Variants in NLRP14 observed in about 807,000 individuals in gnomAD.
The protein encoded by NLRP14 is NLR family pyrin domain containing 14.
Under a neutral mutation model 94.7 loss-of-function variants are expected in NLRP14, and 105 were observed. That is an observed-to-expected ratio of 1.11 (90% CI 0.95 to 1.30). The LOEUF (loss-of-function observed/expected upper bound fraction) is 1.30. Among genes scored for constraint, NLRP14 ranks in the 50% most tolerant of loss-of-function variants. The probability of loss-of-function intolerance (pLI) is 0.00; values close to 1 mark genes in which losing one functional copy is unlikely to be tolerated. For missense variants in NLRP14, 1,362 were observed against 1,254.1 expected (o/e 1.09, Z -1.30); for synonymous variants, 508 against 459.9 (o/e 1.10, Z -1.34).
At chr11:7,063,942 C>A (rs1410731169) in intron 10 of NLRP14, among the ~76,000 whole-genome samples, 1 of 151,978 alleles carries the variant, frequency 6.6e-6, no homozygotes, top group Non-Finnish European at 1.5e-5. Context: ...CAAAGATGGG[C>A]CAAAAGCAGC....
chr11:7,071,932 C>G (rs1852806548), downstream of NLRP14, among the ~76,000 whole-genome samples: 1 of 152,050 alleles, frequency 6.6e-6, no homozygotes, highest in African/African-American at 2.4e-5. Flanking sequence ...CTTTCTATAG[C>G]TTATTGTAAA....
chr11:7,068,004 A>G (rs1043832383), intron 10 of NLRP14, among the ~76,000 whole-genome samples: 1 of 151,854 alleles, frequency 6.6e-6, no homozygotes, highest in Non-Finnish European at 1.5e-5. Context: ...CTCATAGGGT[A>G]CTTTTTAGTA....
chr11:7,076,068 T>C (rs890229768), downstream of NLRP14, among the ~76,000 whole-genome samples: 1 of 152,204 alleles, frequency 6.6e-6, no homozygotes, highest in Admixed American at 6.5e-5. Context: ...TACAACAGTG[T>C]CACTGCTGTG....
In NLRP14 at chr11:7,058,360, T is replaced by G; in HGVS notation, c.2543T>G (p.Leu848Trp). The G allele has an allele frequency of 1.9e-6, 3 of 1,612,696 alleles. No individual in the cohort carries two copies. The highest frequency in any genetic ancestry group is 2.5e-6 in the Non-Finnish European group (3 of 1,178,892). Residue 848 changes from leucine (L) to tryptophan (W), a missense_variant, in exon 8 of 12, where the codon TTG becomes TGG. By Grantham distance (61) the Leu-to-Trp change is moderately conservative (BLOSUM62 -2). Transcript: ENST00000299481. Reference sequence around the variant, plus strand: ...ATCAGCAATAAAAGACTGACACATTTGTGCTTGGCAGACAATGTCTTGGGT... The same window carrying G: ...ATCAGCAATAAAAGACTGACACATTGGTGCTTGGCAGACAATGTCTTGGGT... ...ALISNKRLTH[L>W]CLADNVLGDG...
chr11:7,045,191 A>G (rs1199373277), intron 4 of NLRP14, among the ~76,000 whole-genome samples: 2 of 152,212 alleles, frequency 1.3e-5, no homozygotes, highest in Non-Finnish European at 2.9e-5. Flanking sequence ...CCCTGATGCT[A>G]TGACCTTTAC....
chr11:7,079,738 T>C, the NLRP14 span, among the ~76,000 whole-genome samples: 1 of 152,184 alleles, frequency 6.6e-6, no homozygotes, highest in African/African-American at 2.4e-5. Context: ...ATCTCACGTA[T>C]GGAGCAAGGG....
the NLRP14 span, among the ~76,000 whole-genome samples, chr11:7,086,972 A>C: frequency 6.6e-6 from 1 of 152,228 alleles, no homozygotes; most frequent in Non-Finnish European, 1.5e-5. Flanking sequence ...GTCTTAACAT[A>C]TGTCCCTGAG....
chr11:7,077,045 C>T, the NLRP14 span, among the ~76,000 whole-genome samples: 2 of 152,232 alleles, frequency 1.3e-5, no homozygotes, highest in Non-Finnish European at 1.5e-5. Context: ...ACACCTAGCT[C>T]TCTGGAGACT....
intron 1 of NLRP14, among the ~76,000 whole-genome samples, chr11:7,030,371 C>T (rs1042599413): frequency 6.6e-6 from 1 of 152,142 alleles, no homozygotes; most frequent in African/African-American, 2.4e-5. Context: ...CGAGTAGGCT[C>T]TTAACTGAGG....
the NLRP14 span, among the ~76,000 whole-genome samples, chr11:7,077,937 G>C: frequency 6.6e-6 from 1 of 152,176 alleles, no homozygotes; most frequent in Non-Finnish European, 1.5e-5. Context: ...GTAGTTGCCA[G>C]GGTCTGGAGG....
At chr11:7,089,013 G>A in the NLRP14 span, 1 of 1,341,130 alleles carries the variant, frequency 7.5e-7, no homozygotes, top group Non-Finnish European at 1.0e-6. Flanking sequence ...CGGCGACTAG[G>A]CGCCGCCTGA....
chr11:7,072,950 A>G (rs1852823913), downstream of NLRP14, among the ~76,000 whole-genome samples: 1 of 152,074 alleles, frequency 6.6e-6, no homozygotes, highest in Non-Finnish European at 1.5e-5. Context: ...TCATTATCTC[A>G]GAGGAAAAGG....
chr11:7,048,657 G>T (rs1852396077), intron 5 of NLRP14, among the ~76,000 whole-genome samples: 4 of 152,118 alleles, frequency 2.6e-5, no homozygotes, highest in Admixed American at 2.0e-4. Context: ...TGTATGTTAT[G>T]ATTACGGGGT....
chr11:7,082,759 A>T, the NLRP14 span, among the ~76,000 whole-genome samples: 1 of 152,210 alleles, frequency 6.6e-6, no homozygotes, highest in Non-Finnish European at 1.5e-5. Context: ...GCAGGCAGCA[A>T]TACTAATCTA....
intron 8 of NLRP14, among the ~76,000 whole-genome samples, chr11:7,059,353 T>C (rs1852574283): frequency 6.6e-6 from 1 of 151,834 alleles, no homozygotes; most frequent in African/African-American, 2.4e-5. Flanking sequence ...GTACCTTTCT[T>C]TTAAAAAAAA....
chr11:7,059,438 G>A (rs574480265), intron 8 of NLRP14, among the ~76,000 whole-genome samples: 7 of 151,480 alleles, frequency 4.6e-5, no homozygotes, highest in Non-Finnish European at 1.0e-4. Context: ...AATTTATTTT[G>A]TTATAAGGCT....
At chr11:7,050,460 A>G (rs1255730116) in intron 6 of NLRP14, among the ~76,000 whole-genome samples, 1 of 101,488 alleles carries the variant, frequency 9.9e-6, no homozygotes, top group African/African-American at 2.9e-5. Context: ...GTTTTAAGAA[A>G]GATCTTATTT....
chr11:7,049,913 C>T, intron 6 of NLRP14, 75 bp downstream of exon 6: 1 of 1,254,898 alleles, frequency 8.0e-7, no homozygotes, highest in South Asian at 1.2e-5. Flanking sequence ...ACTCTTACAG[C>T]CTGGATTTGC....
rs199770411 is a variant in NLRP14, at chr11:7,071,262, G to T, written c.3236G>T (p.Cys1079Phe). ...CCACACTTAATCATTAAGCCAGATTGTAACTATCATAATGAAGAAGATGTG... is the reference window on the plus strand; with the variant it reads ...CCACACTTAATCATTAAGCCAGATTTTAACTATCATAATGAAGAAGATGTG... ...SNPHLIIKPD[C>F]NYHNEEDVSW... Residue 1079 changes from cysteine to phenylalanine, a missense_variant, in exon 12 of 12, where the codon TGT becomes TTT. Transcript: ENST00000299481. The T allele has an allele frequency of 2.5e-6, 4 of 1,613,282 alleles. No individual in the cohort carries two copies. Among genetic ancestry groups the T allele is most frequent in the South Asian group, 1.1e-5 (1 of 91,050 alleles).
Sources: gnomAD v4.1 joint callset for allele counts (sites outside exome capture counted in the v4.1 genomes callset) on GRCh38, gnomAD v4.1.1 for gene constraint, MANE v1.5 for transcripts, NCBI Gene and HGNC (gene_info 2026-07-23, HGNC 2026-07-21) for gene names.